FCHSD2: variants seen among roughly 807,000 people sequenced by gnomAD.
FCHSD2 encodes F-BAR and double SH3 domains protein 2.
A neutral mutation model predicts 108.1 loss-of-function variants in FCHSD2; 38 were observed. The observed-to-expected ratio is 0.35, with a 90% confidence interval of 0.27 to 0.46. The LOEUF (loss-of-function observed/expected upper bound fraction) is 0.46. Among genes scored for constraint, FCHSD2 ranks in the 20% least tolerant of loss-of-function variants. The pLI, the probability that FCHSD2 is intolerant of heterozygous loss-of-function variation, is 1.00. For synonymous variants in FCHSD2, 279 were observed against 314.7 expected (o/e 0.89, Z 1.20); for missense variants, 751 against 897.8 (o/e 0.84, Z 2.09).
chr11:72,896,764 T>TAAAAAAAAAAAAA (rs58159831), intron 10 of FCHSD2, among the ~76,000 whole-genome samples: 41 of 68,390 alleles, frequency 6.0e-4, no homozygotes, highest in Non-Finnish European at 8.0e-4. Context: ...GGGAAAATAC[T>TAAAAAAAAAAAAA]AAAAAAAAAA....
chr11:73,005,157 T>C (rs1387658200), intron 4 of FCHSD2, among the ~76,000 whole-genome samples: 1 of 152,238 alleles, frequency 6.6e-6, no homozygotes, highest in Non-Finnish European at 1.5e-5. Context: ...ATATCTCCAT[T>C]TGAAAAATCT....
intron 5 of FCHSD2, among the ~76,000 whole-genome samples, chr11:72,995,355 T>G (rs752814974): frequency 6.6e-6 from 1 of 152,068 alleles, no homozygotes; most frequent in Non-Finnish European, 1.5e-5. Context: ...ATGCTGTGTT[T>G]GCAGGTGTGA....
At chr11:73,070,941 T>G (rs1859421722) in intron 3 of FCHSD2, among the ~76,000 whole-genome samples, 1 of 152,040 alleles carries the variant, frequency 6.6e-6, no homozygotes, top group Admixed American at 6.6e-5. Context: ...CTAGAACAAT[T>G]AAAGCAGAAG....
chr11:72,930,804 G>T (rs1856173715), intron 8 of FCHSD2, among the ~76,000 whole-genome samples: 2 of 152,210 alleles, frequency 1.3e-5, no homozygotes, highest in South Asian at 4.1e-4. Context: ...TTTTTAAAGG[G>T]TAGTAGGGGT....
At chr11:73,023,742 A>G (rs1858163011) in intron 3 of FCHSD2, among the ~76,000 whole-genome samples, 1 of 152,220 alleles carries the variant, frequency 6.6e-6, no homozygotes, top group Non-Finnish European at 1.5e-5. Flanking sequence ...TTATTGATAA[A>G]CTTGGCAACA....
chr11:73,124,702 G>T (rs1183958555), intron 2 of FCHSD2, among the ~76,000 whole-genome samples: 1 of 151,880 alleles, frequency 6.6e-6, no homozygotes, highest in African/African-American at 2.4e-5. Flanking sequence ...GTTGCAGTGA[G>T]CTGAGATTAC....
intron 5 of FCHSD2, 111 bp from the exon 6 acceptor site, chr11:72,989,208 A>G: frequency 1.3e-6 from 1 of 760,076 alleles, no homozygotes; most frequent in Non-Finnish European, 2.1e-6. Flanking sequence ...CCAGGGGAAA[A>G]GTCAGTACGT....
chr11:72,934,337 T>C (rs1367114935), intron 8 of FCHSD2, among the ~76,000 whole-genome samples: 1 of 150,566 alleles, frequency 6.6e-6, no homozygotes, highest in East Asian at 1.9e-4. Flanking sequence ...ATGCCTTTTT[T>C]TTTTTTTTTT....
At chr11:73,021,044 GT>G (rs1191205921) in intron 3 of FCHSD2, among the ~76,000 whole-genome samples, 1 of 151,856 alleles carries the variant, frequency 6.6e-6, no homozygotes, top group Admixed American at 6.6e-5. Context: ...GACCAGCTAA[GT>G]TTTAAAATTT....
intron 8 of FCHSD2, among the ~76,000 whole-genome samples, chr11:72,922,180 G>A (rs2135311689): frequency 6.6e-6 from 1 of 152,286 alleles, no homozygotes; most frequent in Non-Finnish European, 1.5e-5. Context: ...TATTGGTAAA[G>A]CTGTGGGAAA....
rs200788964 is a variant in FCHSD2, at chr11:72,907,598, G to GTTT, written c.829-4961_829-4960insAAA. On this transcript the variant is annotated intron_variant, in intron 9 of 19. Coordinates refer to ENST00000409418, the MANE Select transcript of FCHSD2 (RefSeq NM_014824.3). ...CTGCATCTATTGAGATAATCACGTG[G>GTTT]GTTTTTTTTTTTTTTTTTTTTCTTG... 7.0e-4 allele frequency among the ~76,000 whole-genome samples: 51 copies of GTTT among 72,708 alleles called. 1 individual carries two copies. The highest frequency in any genetic ancestry group is 7.3e-4 in the Admixed American group (4 of 5,500). 47.7% of individuals were successfully genotyped at this position (72,708 alleles called of 152,430 possible). A position where few individuals can be genotyped will look rare whatever the true frequency, so the allele number is the denominator to read the frequency against.
intron 13 of FCHSD2, among the ~76,000 whole-genome samples, chr11:72,865,735 C>T (rs1216643753): frequency 6.6e-6 from 1 of 150,798 alleles, no homozygotes; most frequent in African/African-American, 2.4e-5. Context: ...TCATGAGATT[C>T]TGGAGTTGGT....
chr11:72,976,115 T>C (rs755486477), intron 8 of FCHSD2, among the ~76,000 whole-genome samples: 23 of 152,202 alleles, frequency 1.5e-4, no homozygotes, highest in Non-Finnish European at 3.2e-4. Flanking sequence ...GGTCTAGCAA[T>C]AGTTTTTTGT....
rs113631395 is a variant in FCHSD2, at chr11:73,131,009, C to T, written c.119+9022G>A. ...ATTTGAAAGAATACTAATTGAGAAG[C>T]AACTATGATTGTTGAATGAATTTTT... is the stretch of plus-strand genomic sequence containing the variant. On this transcript the variant is annotated intron_variant, in intron 2 of 19. Coordinates refer to ENST00000409418, the MANE Select transcript of FCHSD2 (RefSeq NM_014824.3). Among the ~76,000 whole-genome samples the T allele has an allele frequency of 5.4e-3, 825 of 152,222 alleles. 4 individuals carry two copies. Among genetic ancestry groups the T allele is most frequent in the South Asian group, 0.014 (68 of 4,828 alleles).
At chr11:72,922,274 C>T (rs751832569) in intron 8 of FCHSD2, among the ~76,000 whole-genome samples, 1 of 152,046 alleles carries the variant, frequency 6.6e-6, no homozygotes, top group Non-Finnish European at 1.5e-5. Context: ...AAATAATAAA[C>T]GTGAAAGGAT....
chr11:72,842,812 C>T lies in FCHSD2; in HGVS notation c.1735G>A (p.Glu579Lys), dbSNP rs1462954187. 1 of 1,613,922 alleles carries T rather than the reference C, an allele frequency of 6.2e-7. No homozygotes were observed. The highest frequency in any genetic ancestry group is 8.5e-7 in the Non-Finnish European group (1 of 1,179,854). ...VCFVKALYDY[E>K]GQTDDELSFP... Reference sequence around the variant, plus strand: ...GATAACTCATCATCTGTCTGGCCCTCATAATCATAAAGTGCTTTCACAAAA... The same window carrying T: ...GATAACTCATCATCTGTCTGGCCCTTATAATCATAAAGTGCTTTCACAAAA... Residue 579 changes from glutamate (E) to lysine (K), a missense_variant, in exon 17 of 20, where the codon GAG becomes AAG. Glu to Lys is a moderately conservative substitution (Grantham distance 56). Coordinates refer to ENST00000409418, the MANE Select transcript of FCHSD2 (RefSeq NM_014824.3).
chr11:72,903,503 G>A, intron 9 of FCHSD2, among the ~76,000 whole-genome samples: 1 of 152,168 alleles, frequency 6.6e-6, no homozygotes, highest in East Asian at 1.9e-4. Context: ...ACAGGCGTGA[G>A]CTACCGCGCC....
At chr11:72,852,810 A>C (rs1393955862) in intron 13 of FCHSD2, among the ~76,000 whole-genome samples, 1 of 152,256 alleles carries the variant, frequency 6.6e-6, no homozygotes, top group African/African-American at 2.4e-5. Flanking sequence ...AATACTAGGC[A>C]GCCACAAAAA....
At chr11:72,862,228 T>C (rs374522181) in intron 13 of FCHSD2, among the ~76,000 whole-genome samples, 3 of 152,192 alleles carry the variant, frequency 2.0e-5, no homozygotes, top group African/African-American at 7.2e-5. Flanking sequence ...GGATTTCTGT[T>C]GACTCTCACC....
Sources: allele counts gnomAD v4.1 joint callset (sites outside exome capture counted in the v4.1 genomes callset), GRCh38; gene constraint gnomAD v4.1.1; transcripts MANE v1.5; gene names NCBI Gene and HGNC (gene_info 2026-07-23, HGNC 2026-07-21).